The following EGLN1 variants were observed in gnomAD, a reference collection of about 807,000 sequenced individuals.
EGLN1 encodes the protein egl-9 family hypoxia inducible factor 1, also known as egl nine homolog 1.
In EGLN1, 17 loss-of-function variants were observed where a neutral mutation model predicts 38.3. The observed-to-expected ratio is 0.44, with a 90% CI of 0.30 to 0.67. EGLN1 has a LOEUF of 0.67. Among genes scored for constraint, EGLN1 ranks in the 30% least tolerant of loss-of-function variants. EGLN1 has a pLI of 0.08. For missense variants in EGLN1, 477 were observed against 603.3 expected (o/e 0.79, Z 2.19); for synonymous variants, 283 against 257.5 (o/e 1.10, Z -0.95).
chr1:231,375,945 T>G (rs1687947425), intron 1 of EGLN1, among the ~76,000 whole-genome samples: 1 of 152,194 alleles, frequency 6.6e-6, no homozygotes, highest in African/African-American at 2.4e-5. Context: ...CCTTTCCAAC[T>G]ATCTGGTAAC....
intron 1 of EGLN1, among the ~76,000 whole-genome samples, chr1:231,415,851 CTT>C (rs34510216): frequency 4.1e-5 from 6 of 145,410 alleles, no homozygotes; most frequent in Admixed American, 6.8e-5. Context: ...CATTATCTTT[CTT>C]TTTTTTTTTT....
At chr1:231,406,229 C>CA (rs992630046) in intron 1 of EGLN1, among the ~76,000 whole-genome samples, 1 of 150,950 alleles carries the variant, frequency 6.6e-6, no homozygotes, top group African/African-American at 2.4e-5. Context: ...AACAAAAATG[C>CA]AAAACAAACG....
rs1687565678 is a variant in EGLN1 at position 231,363,898 on chromosome 1, T to C, written c.*2513A>G. 1 of 152,202 alleles carries C rather than the reference T, an allele frequency of 6.6e-6. No individual in the cohort carries two copies. Among genetic ancestry groups the C allele is most frequent in the Non-Finnish European group, 1.5e-5 (1 of 68,026 alleles). 9.4% of individuals were successfully genotyped at this position (152,202 alleles called of 1,614,324 possible). ...AATCCTGAAAATCTTTGCCTACTCT[T>C]GATAAAGGTCTGTGTTTTACAGCTG... On this transcript the variant is annotated 3_prime_UTR_variant, in exon 5 of 5. Transcript: ENST00000366641.
intron 1 of EGLN1, among the ~76,000 whole-genome samples, chr1:231,400,060 T>C (rs2102924675): frequency 6.6e-6 from 1 of 152,262 alleles, no homozygotes; most frequent in East Asian, 1.9e-4. Flanking sequence ...GTTAAAACTA[T>C]CAAGAAAATA....
chr1:231,416,435 A>T (rs893801239), intron 1 of EGLN1, among the ~76,000 whole-genome samples: 117 of 146,436 alleles, frequency 8.0e-4, no homozygotes, highest in Non-Finnish European at 1.4e-3. Context: ...ACAAAAAAAA[A>T]ATTTTTTTTT....
At chr1:231,410,909 C>G (rs1688924463) in intron 1 of EGLN1, among the ~76,000 whole-genome samples, 1 of 151,862 alleles carries the variant, frequency 6.6e-6, no homozygotes, top group African/African-American at 2.4e-5. Context: ...TTCAAGGCAT[C>G]CATTTCAGAG....
intron 1 of EGLN1, among the ~76,000 whole-genome samples, chr1:231,414,640 G>C (rs1689029890): frequency 6.6e-6 from 1 of 151,698 alleles, no homozygotes; most frequent in Admixed American, 6.6e-5. Flanking sequence ...TAGAATGACA[G>C]AAGCAAAAGG....
rs143108243 is a variant in EGLN1, at chr1:231,421,046, G to A, written c.843C>T (p.Arg281=). 1.2e-4 allele frequency: 199 copies of A among 1,614,002 alleles called. 1 individual carries two copies. In the Admixed American group the frequency reaches 3.2e-3, roughly 26 times the overall value. ...LLMSSMDDLI[R]HCNGKLGSYK... ...AGCTGCCCAGCTTCCCGTTACAGTG[G>A]CGTATCAGGTCGTCCATGCTGCTCA... The change falls in exon 1 of 5, where the codon CGC becomes CGT. Residue 281 remains arginine, a synonymous_variant. Transcript: ENST00000366641. The surrounding 1 kb of genome is among the most constrained non-coding windows in gnomAD (Gnocchi z 5.5).
chr1:231,373,127 A>G (rs1485181725), intron 2 of EGLN1, among the ~76,000 whole-genome samples: 1 of 152,186 alleles, frequency 6.6e-6, no homozygotes, highest in Non-Finnish European at 1.5e-5. Context: ...AAGGAAATAT[A>G]TATTTAAAAC....
chr1:231,371,055 A>T (rs1024341031), intron 2 of EGLN1, among the ~76,000 whole-genome samples: 2 of 152,074 alleles, frequency 1.3e-5, no homozygotes, highest in South Asian at 2.1e-4. Flanking sequence ...ATGTCCAGCT[A>T]ATTTTTGCAT....
At chr1:231,368,404 G>C (rs2102891407) in intron 3 of EGLN1, among the ~76,000 whole-genome samples, 1 of 152,290 alleles carries the variant, frequency 6.6e-6, no homozygotes, top group East Asian at 1.9e-4. Flanking sequence ...GTTAAATTAT[G>C]CTAAGAATTT....
At chr1:231,386,418 G>A (rs998121660) in intron 1 of EGLN1, among the ~76,000 whole-genome samples, 5 of 152,206 alleles carry the variant, frequency 3.3e-5, no homozygotes, top group Admixed American at 6.5e-5. Flanking sequence ...GGAGAGTGTG[G>A]TTAATGTAAG....
intron 1 of EGLN1, among the ~76,000 whole-genome samples, chr1:231,406,693 C>T (rs1022149017): frequency 4.6e-5 from 7 of 151,944 alleles, no homozygotes; most frequent in East Asian, 3.9e-4. Flanking sequence ...GGAACTCTAA[C>T]GGGGTTTTTA....
intron 3 of EGLN1, among the ~76,000 whole-genome samples, chr1:231,369,193 G>T (rs1687748288): frequency 6.6e-6 from 1 of 151,990 alleles, no homozygotes; most frequent in Non-Finnish European, 1.5e-5. Flanking sequence ...TAACACGACT[G>T]CACCCCTTGC....
At chr1:231,393,467 G>A (rs902365090) in intron 1 of EGLN1, among the ~76,000 whole-genome samples, 1 of 152,052 alleles carries the variant, frequency 6.6e-6, no homozygotes, top group Non-Finnish European at 1.5e-5. Flanking sequence ...CGTGGCCCTG[G>A]GCATGTGTCT....
intron 1 of EGLN1, among the ~76,000 whole-genome samples, chr1:231,401,660 GTTCAC>G (rs1688667753): frequency 6.6e-6 from 1 of 152,122 alleles, no homozygotes. Flanking sequence ...TAAAAGACTA[GTTCAC>G]TTCATTTTAC....
chr1:231,380,163 C>G (rs1452696806), intron 1 of EGLN1, among the ~76,000 whole-genome samples: 2 of 151,966 alleles, frequency 1.3e-5, no homozygotes, highest in Non-Finnish European at 1.5e-5. Context: ...CAAGGGAGTA[C>G]AGAGAGAAGA....
chr1:231,374,625 C>G (rs569467042), intron 1 of EGLN1, among the ~76,000 whole-genome samples: 1 of 151,730 alleles, frequency 6.6e-6, no homozygotes, highest in Admixed American at 6.6e-5. Flanking sequence ...TCAGGTGATT[C>G]TCCCACCTCA....
chr1:231,374,221 A>G (rs1442991589), intron 1 of EGLN1, 122 bp from the exon 2 acceptor site: 4 of 872,528 alleles, frequency 4.6e-6, no homozygotes, highest in East Asian at 2.7e-5. Context: ...AATAAAAATA[A>G]TATTTTGTAG....
Sources: gnomAD v4.1 joint callset for allele counts (sites outside exome capture counted in the v4.1 genomes callset) on GRCh38, gnomAD v4.1.1 for gene constraint, Gnocchi (gnomAD v3.1) non-coding constraint, MANE v1.5 for transcripts, NCBI Gene and HGNC (gene_info 2026-07-23, HGNC 2026-07-21) for gene names.